The following NCLN variants were observed in gnomAD, a reference collection of about 807,000 sequenced individuals.
NCLN encodes the protein nicalin.
In NCLN, 34 loss-of-function variants were observed where a neutral mutation model predicts 69.5. The ratio of observed to expected loss-of-function variants is 0.49; its 90% CI spans 0.37 to 0.65. The LOEUF is 0.65. Among genes scored for constraint, NCLN ranks in the 30% least tolerant of loss-of-function variants. The probability of loss-of-function intolerance (pLI) is 0.00; values close to 1 mark genes in which losing one functional copy is unlikely to be tolerated. For synonymous variants in NCLN, 393 were observed against 358.3 expected (o/e 1.10, Z -1.09); for missense variants, 710 against 804.8 (o/e 0.88, Z 1.42).
intron 12 of NCLN, among the ~76,000 whole-genome samples, chr19:3,206,820 G>A (rs1916284024): frequency 6.6e-6 from 1 of 152,122 alleles, no homozygotes. Context: ...ACTTTTTAAA[G>A]TTTTTATTTA....
chr19:3,204,675 C>G lies in NCLN; in HGVS notation c.1132C>G (p.Arg378Gly). The change falls in exon 9 of 15, where the codon CGC becomes GGC. Residue 378 changes from arginine to glycine, a missense_variant. Coordinates refer to ENST00000246117, the MANE Select transcript of NCLN (RefSeq NM_020170.4). ...LAWEHERFAI[R>G]RLPAFTLSHL... ...CTGGGAGCACGAGCGCTTCGCCATC[C>G]GCCGACTGCCCGCCTTCACGCTGTC... 6.2e-7 allele frequency: 1 copy of G among 1,608,798 alleles called. No individual in the cohort carries two copies. Among genetic ancestry groups the G allele is most frequent in the Non-Finnish European group, 8.5e-7 (1 of 1,177,954 alleles).
intron 1 of NCLN, among the ~76,000 whole-genome samples, chr19:3,188,574 G>A (rs1599346728): frequency 1.3e-5 from 2 of 151,934 alleles, no homozygotes; most frequent in South Asian, 2.1e-4. Flanking sequence ...CTCTTTCCTC[G>A]CTTCTCTGGG....
intron 1 of NCLN, among the ~76,000 whole-genome samples, chr19:3,191,106 C>A (rs117128879): frequency 1.4e-5 from 2 of 139,492 alleles, no homozygotes; most frequent in Non-Finnish European, 3.2e-5. Context: ...CGGTGCGTGG[C>A]GGGCAGCAGG....
rs1188656147 is a variant in NCLN at position 3,206,371 on chromosome 19, A to G, written c.1445A>G (p.His482Arg). The change falls in exon 12 of 15, where the codon CAC (histidine) becomes CGC (arginine). Residue 482 changes from histidine to arginine, a missense_variant. His to Arg is a conservative substitution (Grantham distance 29). Transcript: ENST00000246117. ...DSTFLSTLEH[H>R]LSRYLKDVKQ... ...ACCTTCCTCAGCACGCTGGAGCACC[A>G]CCTGAGCCGCTACCTGAAGGACGTG... 6.5e-7 allele frequency: 1 copy of G among 1,548,196 alleles called. No individual in the cohort carries two copies. The highest frequency in any genetic ancestry group is 1.4e-5 in the African/African-American group (1 of 73,102).
At chr19:3,199,078 C>G (rs1916054868) in intron 5 of NCLN, among the ~76,000 whole-genome samples, 181 bp downstream of exon 5, 1 of 152,196 alleles carries the variant, frequency 6.6e-6, no homozygotes, top group South Asian at 2.1e-4. Flanking sequence ...GGGGCTGAAA[C>G]AGGCCCGGCT....
intron 10 of NCLN, 63 bp downstream of exon 10, chr19:3,206,089 A>G (rs1599360008): frequency 6.7e-7 from 1 of 1,492,582 alleles, no homozygotes; most frequent in South Asian, 1.4e-5. Context: ...CCCCGGCCCC[A>G]CCCCTGGCCC....
In NCLN at chr19:3,207,348, C is replaced by T. The variant is rs1210532828; in HGVS notation, c.1554-43C>T. ...GGGGGTCTAGGGGTTCATGTTACTG[C>T]CGCGCACCATCCTCGACCTCAGGGA... On this transcript the variant is annotated intron_variant, in intron 13 of 14. Transcript: ENST00000246117. 6.2e-6 allele frequency: 10 copies of T among 1,612,626 alleles called. No homozygotes were observed. The East Asian group carries it at 2.0e-4, about 32-fold the overall frequency.
Position 3,185,944 on chromosome 19 carries a change from T to A in NCLN, c.-87T>A, listed in dbSNP as rs1375695163. The stretch of plus-strand genomic sequence containing the variant: ...GCGGCGCCCGCAGGACCCCGGCGGC[T>A]ACCCATGCCGAGGTGAGTCCGCGGG... On this transcript the variant is annotated 5_prime_UTR_variant, in exon 1 of 15. Transcript: ENST00000246117. 9.5e-7 allele frequency: 1 copy of A among 1,047,780 alleles called. No individual in the cohort carries two copies. The highest frequency in any genetic ancestry group is 1.7e-5 in the African/African-American group (1 of 59,268). The allele number at this position is 1,047,780 out of a possible 1,614,324, so 64.9% of individuals were successfully genotyped here.
Position 3,207,549 on chromosome 19 carries a change from G to T in NCLN, c.1632+80G>T, listed in dbSNP as rs1269885945. ...GCTGGGCGTCTCCAAGTGCATCCTGGCCCCTGGCTCAGCCTAGAGTCACAT... is the reference window on the plus strand; with the variant it reads ...GCTGGGCGTCTCCAAGTGCATCCTGTCCCCTGGCTCAGCCTAGAGTCACAT... On this transcript the variant is annotated intron_variant, in intron 14 of 14. Coordinates refer to ENST00000246117, the MANE Select transcript of NCLN (RefSeq NM_020170.4). 6.2e-6 allele frequency: 10 copies of T among 1,607,354 alleles called. 1 individual carries two copies. The South Asian group carries it at 8.8e-5, about 14-fold the overall frequency.
chr19:3,186,246 C>T, intron 1 of NCLN, 32 bp downstream of exon 1: 1 of 1,430,998 alleles, frequency 7.0e-7, no homozygotes, highest in South Asian at 1.4e-5. Flanking sequence ...TCGGGGCTCC[C>T]CGGGCTCCCC....
chr19:3,200,091 G>C (rs1258492063), intron 5 of NCLN, among the ~76,000 whole-genome samples: 3 of 152,000 alleles, frequency 2.0e-5, no homozygotes, highest in African/African-American at 7.3e-5. Context: ...ACCCCTTGGA[G>C]GGCCAGGCCC....
At chr19:3,190,175 A>G (rs1915780379) in intron 1 of NCLN, among the ~76,000 whole-genome samples, 1 of 152,102 alleles carries the variant, frequency 6.6e-6, no homozygotes, top group Non-Finnish European at 1.5e-5. Flanking sequence ...CAGGAGCCCC[A>G]AGGACTCCCT....
chr19:3,203,909 C>G, intron 7 of NCLN, 65 bp downstream of exon 7: 1 of 1,580,010 alleles, frequency 6.3e-7, no homozygotes, highest in Non-Finnish European at 8.6e-7. Context: ...CACGGAGGCC[C>G]AGGGGTTGCC....
chr19:3,190,095 C>T (rs981259796), intron 1 of NCLN, among the ~76,000 whole-genome samples: 4 of 152,194 alleles, frequency 2.6e-5, no homozygotes, highest in African/African-American at 9.6e-5. Context: ...GGGTGACATT[C>T]GAGTCACCCC....
At position 3,193,448 on chromosome 19, in the gene NCLN, G is replaced by A. The variant is rs1915882788; in HGVS notation, c.520+20G>A. On this transcript the variant is annotated intron_variant, in intron 3 of 14. Coordinates refer to ENST00000246117, the MANE Select transcript of NCLN (RefSeq NM_020170.4). ...CTGAAGGTGTGCTCTGGGCTGCAGGGACGGGGCCCGTGGGCGTGGGTGTGG... is the reference window on the plus strand; with the variant it reads ...CTGAAGGTGTGCTCTGGGCTGCAGGAACGGGGCCCGTGGGCGTGGGTGTGG... The A allele has an allele frequency of 6.3e-7, 1 of 1,578,768 alleles. No homozygotes were observed.
intron 8 of NCLN, 115 bp from the exon 9 acceptor site, chr19:3,204,458 T>C: frequency 2.5e-6 from 3 of 1,189,020 alleles, no homozygotes; most frequent in Non-Finnish European, 3.4e-6. Context: ...GGCAGGTGGA[T>C]TTCTCCTCAT....
intron 1 of NCLN, among the ~76,000 whole-genome samples, chr19:3,187,652 C>T (rs1441024399): frequency 1.3e-5 from 2 of 152,182 alleles, no homozygotes; most frequent in African/African-American, 2.4e-5. Flanking sequence ...CACGGGTGCT[C>T]CTGGCATGGA....
At chr19:3,199,319 C>T (rs550049549) in intron 5 of NCLN, among the ~76,000 whole-genome samples, 5 of 152,384 alleles carry the variant, frequency 3.3e-5, no homozygotes, top group Non-Finnish European at 7.3e-5. Flanking sequence ...TCCAGGCCCT[C>T]TCCCTGTGTG....
At chr19:3,199,645 TG>T (rs916988627) in intron 5 of NCLN, among the ~76,000 whole-genome samples, 2 of 126,680 alleles carry the variant, frequency 1.6e-5, no homozygotes, top group Non-Finnish European at 3.3e-5. Flanking sequence ...GGGAGTGGGG[TG>T]GGGGGGCATG....
Sources: gnomAD v4.1 joint callset for allele counts (sites outside exome capture counted in the v4.1 genomes callset) on GRCh38, gnomAD v4.1.1 for gene constraint, MANE v1.5 for transcripts, NCBI Gene and HGNC (gene_info 2026-07-23, HGNC 2026-07-21) for gene names.